Variants in SLC44A5 observed in about 807,000 individuals in gnomAD.
The protein encoded by SLC44A5 is choline transporter-like protein 5.
A neutral mutation model predicts 101.8 loss-of-function variants in SLC44A5; 57 were observed. That is an observed-to-expected ratio of 0.56 (90% confidence interval 0.45 to 0.70). The LOEUF (loss-of-function observed/expected upper bound fraction) is 0.70, where lower values mean the gene tolerates loss of function less well. SLC44A5 is among the 30% of genes least tolerant of loss of function. The pLI is 0.00. For missense variants in SLC44A5, 737 were observed against 853.1 expected (o/e 0.86, Z 1.70); for synonymous variants, 281 against 290.9 (o/e 0.97, Z 0.35).
At chr1:75,612,831 G>A (rs2102190417), upstream of SLC44A5, among the ~76,000 whole-genome samples, 1 of 151,838 alleles carries the variant, frequency 6.6e-6, no homozygotes, top group East Asian at 1.9e-4. Context: ...GGTGGGGGTG[G>A]TGACGTGATT....
chr1:75,654,360 C>A, the SLC44A5 span, among the ~76,000 whole-genome samples: 6 of 152,098 alleles, frequency 3.9e-5, no homozygotes, highest in Non-Finnish European at 8.8e-5. Context: ...CAGAAGAAAG[C>A]ACATTCTAAA....
the SLC44A5 span, among the ~76,000 whole-genome samples, chr1:75,680,142 G>A: frequency 6.6e-6 from 1 of 152,112 alleles, no homozygotes; most frequent in African/African-American, 2.4e-5. Flanking sequence ...AAGAGACTTA[G>A]ACTCCCACAC....
intron 5 of SLC44A5, among the ~76,000 whole-genome samples, chr1:75,298,865 C>T (rs1374551662): frequency 6.6e-6 from 1 of 152,136 alleles, no homozygotes; most frequent in Non-Finnish European, 1.5e-5. Flanking sequence ...ATTATTGGTA[C>T]AGTTAGGTAT....
chr1:75,603,561 G>A (rs1039126065), intron 1 of SLC44A5, among the ~76,000 whole-genome samples: 1 of 151,866 alleles, frequency 6.6e-6, no homozygotes, highest in Non-Finnish European at 1.5e-5. Context: ...CCTCCAAACT[G>A]CTTTCCACAG....
chr1:75,460,899 G>A (rs1666459125), intron 2 of SLC44A5, among the ~76,000 whole-genome samples: 1 of 151,908 alleles, frequency 6.6e-6, no homozygotes, highest in African/African-American at 2.4e-5. Flanking sequence ...TTTTAGTCAG[G>A]AATTTGAATG....
the SLC44A5 span, among the ~76,000 whole-genome samples, chr1:75,617,327 C>T: frequency 6.6e-6 from 1 of 152,064 alleles, no homozygotes; most frequent in Non-Finnish European, 1.5e-5. Context: ...TCAATATCTC[C>T]ACCCAGAAGT....
chr1:75,680,855 A>C, the SLC44A5 span, among the ~76,000 whole-genome samples: 1 of 151,876 alleles, frequency 6.6e-6, no homozygotes, highest in Non-Finnish European at 1.5e-5. Context: ...CAAAATTGAT[A>C]GACGGCTAGC....
Position 75,202,743 on chromosome 1 carries a change from T to A in SLC44A5, c.*984A>T, listed in dbSNP as rs915235083. 6.6e-6 allele frequency: 1 copy of A among 152,136 alleles called. No individual in the cohort carries two copies. Among genetic ancestry groups the A allele is most frequent in the Non-Finnish European group, 1.5e-5 (1 of 68,006 alleles). The allele number at this position is 152,136 out of a possible 1,614,324, so 9.4% of individuals were successfully genotyped here. On this transcript the variant is annotated 3_prime_UTR_variant, in exon 24 of 24. Coordinates refer to ENST00000370859, the MANE Select transcript of SLC44A5 (RefSeq NM_001130058.2). ...CGAGGAGTAAAGTTTCCCTTTGCAA[T>A]TCCTAGAAGTTTCTCTTTCTGATCT...
At chr1:75,543,588 T>A (rs890055499) in intron 1 of SLC44A5, among the ~76,000 whole-genome samples, 1 of 104,004 alleles carries the variant, frequency 9.6e-6, no homozygotes, top group African/African-American at 3.3e-5. Flanking sequence ...TATATATATA[T>A]AAATAAATAT....
At chr1:75,331,986 C>G (rs1337770784) in intron 4 of SLC44A5, among the ~76,000 whole-genome samples, 2 of 152,182 alleles carry the variant, frequency 1.3e-5, no homozygotes, top group Admixed American at 6.5e-5. Flanking sequence ...CTCTCTTCCT[C>G]TTACTTATGT....
chr1:75,444,483 G>GAAGAAAGATAGAAAGAAAGA (rs1665418177), intron 2 of SLC44A5, among the ~76,000 whole-genome samples: 1 of 140,656 alleles, frequency 7.1e-6, no homozygotes, highest in African/African-American at 2.7e-5. Flanking sequence ...GAGAAAGAAA[G>GAAGAAAGATAGAAAGAAAGA]AAGAAAGAAA....
chr1:75,475,927 G>C (rs1403680288), intron 2 of SLC44A5, among the ~76,000 whole-genome samples: 1 of 152,250 alleles, frequency 6.6e-6, no homozygotes, highest in Admixed American at 6.5e-5. Context: ...GTTCATGCCT[G>C]TAATCCCAGC....
chr1:75,331,589 C>T (rs1046826306), intron 4 of SLC44A5, among the ~76,000 whole-genome samples: 9 of 152,164 alleles, frequency 5.9e-5, no homozygotes, highest in Non-Finnish European at 7.4e-5. Flanking sequence ...AAATTCTCCA[C>T]AGAGCAGTCA....
the SLC44A5 span, among the ~76,000 whole-genome samples, chr1:75,636,246 A>G: frequency 6.6e-6 from 1 of 152,084 alleles, no homozygotes; most frequent in Non-Finnish European, 1.5e-5. Context: ...TGGTGATTAC[A>G]GCTCACACTT....
chr1:75,436,498 G>C (rs1414201615), intron 2 of SLC44A5, among the ~76,000 whole-genome samples: 1 of 152,090 alleles, frequency 6.6e-6, no homozygotes, highest in East Asian at 1.9e-4. Flanking sequence ...TTGTATACCT[G>C]TATAGAGCAC....
At chr1:75,432,024 C>G (rs1664645277) in intron 2 of SLC44A5, among the ~76,000 whole-genome samples, 1 of 152,088 alleles carries the variant, frequency 6.6e-6, no homozygotes, top group South Asian at 2.1e-4. Context: ...AATGTCAAGC[C>G]AGTTCATGTC....
At chr1:75,352,813 G>A (rs796345679) in intron 3 of SLC44A5, among the ~76,000 whole-genome samples, 1 of 152,142 alleles carries the variant, frequency 6.6e-6, no homozygotes, top group East Asian at 1.9e-4. Context: ...ACGGTTCATG[G>A]CAGCAGCATT....
chr1:75,650,337 T>A, the SLC44A5 span, among the ~76,000 whole-genome samples: 1 of 152,212 alleles, frequency 6.6e-6, no homozygotes, highest in Non-Finnish European at 1.5e-5. Flanking sequence ...ATTTTATAAG[T>A]AACTTTGTGC....
chr1:75,605,205 T>C lies in SLC44A5; in HGVS notation c.-70+5835A>G, dbSNP rs932335745. Among the ~76,000 whole-genome samples, 3 of 151,274 alleles carry C rather than the reference T, an allele frequency of 2.0e-5. No homozygotes were observed. The Admixed American group carries it at 2.0e-4, about 10-fold the overall frequency. Reference sequence around the variant, plus strand: ...CTGCCTTTTAAGTTTTTAAAAACTATGAATTTAAAATTGCTTCTTTTAAAA... The same window carrying C: ...CTGCCTTTTAAGTTTTTAAAAACTACGAATTTAAAATTGCTTCTTTTAAAA... On this transcript the variant is annotated intron_variant, in intron 1 of 23. Coordinates refer to ENST00000370859, the MANE Select transcript of SLC44A5 (RefSeq NM_001130058.2).
Sources: gnomAD v4.1 joint callset for allele counts (sites outside exome capture counted in the v4.1 genomes callset) on GRCh38, gnomAD v4.1.1 for gene constraint, MANE v1.5 for transcripts, NCBI Gene and HGNC (gene_info 2026-07-23, HGNC 2026-07-21) for gene names.